KCTD14: variants seen among roughly 807,000 people sequenced by gnomAD.
KCTD14 encodes potassium channel tetramerization domain containing 14.
KCTD14 carries 7 observed loss-of-function variants against 5.9 expected under a neutral mutation model. The ratio of observed to expected loss-of-function variants is 1.19; its 90% CI spans 0.68 to 2.23. KCTD14 has a LOEUF of 2.23. Among genes scored for constraint, KCTD14 ranks in the 30% most tolerant of loss-of-function variants. The pLI, the probability that KCTD14 is intolerant of heterozygous loss-of-function variation, is 0.00. For missense variants in KCTD14, 342 were observed against 332.2 expected (o/e 1.03, Z -0.23); for synonymous variants, 140 against 133.1 (o/e 1.05, Z -0.36).
At chr11:78,038,676 G>A in exon 2 of KCTD14, 1 of 1,535,740 alleles carries the variant, frequency 6.5e-7, no homozygotes, top group East Asian at 2.4e-5. Flanking sequence ...AATGGGTGGT[G>A]GCAGCAGAAC....
At chr11:78,032,422 A>G (rs1857650763) in intron 2 of KCTD14, among the ~76,000 whole-genome samples, 1 of 152,228 alleles carries the variant, frequency 6.6e-6, no homozygotes, top group South Asian at 2.1e-4. Context: ...ATGGTAGTAA[A>G]AGGTAACCTT....
At position 78,037,282 on chromosome 11, in the gene KCTD14, C is replaced by T. The variant is rs1738940355; in HGVS notation, c.-1+1382G>A. ...CCTCCCAGCCCAGCCAGGACACATC[C>T]TCTTCCCTGTTTGCCCTCAGGCTCT... On this transcript the variant is annotated intron_variant, in intron 2 of 2. Coordinates refer to the KCTD14 transcript ENST00000533144. Among the ~76,000 whole-genome samples, 4 of 152,392 alleles carry T rather than the reference C, an allele frequency of 2.6e-5. No homozygotes were observed. The South Asian group carries it at 8.3e-4, about 32-fold the overall frequency.
intron 2 of KCTD14, among the ~76,000 whole-genome samples, chr11:78,037,908 GGTTCCACAA>G (rs1172743376): frequency 6.6e-6 from 1 of 151,834 alleles, no homozygotes; most frequent in Non-Finnish European, 1.5e-5. Flanking sequence ...GCTAGGTGCT[GGTTCCACAA>G]GTGTGCTCAC....
intron 2 of KCTD14, among the ~76,000 whole-genome samples, chr11:78,033,883 G>GTA (rs1857707163): frequency 5.2e-5 from 3 of 57,464 alleles, no homozygotes; most frequent in African/African-American, 8.0e-5. Flanking sequence ...ATAATAGTGT[G>GTA]TGTGTATGTG....
intron 1 of KCTD14, among the ~76,000 whole-genome samples, chr11:78,040,349 T>G (rs1857954159): frequency 6.6e-6 from 1 of 152,178 alleles, no homozygotes; most frequent in Non-Finnish European, 1.5e-5. Flanking sequence ...TTTCTTTCTT[T>G]CTTTCTTCTT....
chr11:78,033,889 A>ATGTG (rs140535954), intron 2 of KCTD14, among the ~76,000 whole-genome samples: 131 of 109,966 alleles, frequency 1.2e-3, no homozygotes, highest in African/African-American at 3.2e-3. Flanking sequence ...GTGTGTGTGT[A>ATGTG]TGTGTGTGTG....
chr11:78,044,010 A>G (rs1858063754), intron 1 of KCTD14, among the ~76,000 whole-genome samples: 2 of 152,214 alleles, frequency 1.3e-5, no homozygotes, highest in African/African-American at 4.8e-5. Flanking sequence ...AGGATTCCCC[A>G]GAAGGGAGAA....
chr11:78,020,469 C>G (rs1857279096), intron 1 of KCTD14, among the ~76,000 whole-genome samples: 1 of 152,234 alleles, frequency 6.6e-6, no homozygotes, highest in South Asian at 2.1e-4. Context: ...CGCATCTTGA[C>G]AGCAGCCAAA....
chr11:78,029,707 A>T (rs1352116084), intron 2 of KCTD14, among the ~76,000 whole-genome samples: 1 of 152,032 alleles, frequency 6.6e-6, no homozygotes, highest in Non-Finnish European at 1.5e-5. Context: ...AGCCAGAATA[A>T]TTATTTTTAC....
upstream of KCTD14, among the ~76,000 whole-genome samples, chr11:78,026,101 A>C (rs1460896963): frequency 6.6e-6 from 1 of 152,184 alleles, no homozygotes; most frequent in Admixed American, 6.6e-5. Context: ...CATGTGCCCA[A>C]GGTGGTCAGG....
intron 2 of KCTD14, among the ~76,000 whole-genome samples, chr11:78,029,373 G>A (rs1045465130): frequency 5.9e-5 from 9 of 152,060 alleles, no homozygotes; most frequent in African/African-American, 1.9e-4. Context: ...GAAACCTCCC[G>A]GTTATGGGCA....
intron 1 of KCTD14, among the ~76,000 whole-genome samples, chr11:78,017,966 A>G (rs1047129861): frequency 3.3e-5 from 5 of 151,942 alleles, no homozygotes; most frequent in African/African-American, 1.2e-4. Context: ...GTGTGATGGC[A>G]CGCGCCTGTA....
chr11:78,045,791 G>A (rs1366203315), intron 1 of KCTD14, among the ~76,000 whole-genome samples: 3 of 152,080 alleles, frequency 2.0e-5, no homozygotes, highest in Non-Finnish European at 4.4e-5. Flanking sequence ...GAGATGTGAG[G>A]GTTTTCATAA....
At chr11:78,036,005 A>C (rs1407437111) in intron 2 of KCTD14, among the ~76,000 whole-genome samples, 1 of 151,824 alleles carries the variant, frequency 6.6e-6, no homozygotes, top group Non-Finnish European at 1.5e-5. Context: ...ACTAAAATAC[A>C]AAAATTAGCT....
rs138947240 is a variant in KCTD14, at chr11:78,039,481, A to T, written c.-95-723T>A. Among the ~76,000 whole-genome samples the T allele has an allele frequency of 4.0e-3, 603 of 151,664 alleles. 1 individual carries two copies. Among genetic ancestry groups the T allele is most frequent in the Non-Finnish European group, 6.9e-3 (471 of 67,882 alleles). On this transcript the variant is annotated intron_variant, in intron 1 of 2. Transcript: ENST00000533144. ...GTAGTTGAGGCTGCAGTGAGCCATG[A>T]TCTCACCACTGTACTCCAGCTTGGG...
At position 78,035,858 on chromosome 11, in the gene KCTD14, A is replaced by C. The variant is rs1160638915; in HGVS notation, c.-1+2806T>G. 4.1e-5 allele frequency among the ~76,000 whole-genome samples: 6 copies of C among 145,412 alleles called. No individual in the cohort carries two copies. In the South Asian group the frequency reaches 1.1e-3, roughly 27 times the overall value. Reference sequence around the variant, plus strand: ...AGACTCCATCTCAAAAAAAAAAAAAAAAAAAAACAGTCCCTTCATGGCCGG... The same window carrying C: ...AGACTCCATCTCAAAAAAAAAAAAACAAAAAAACAGTCCCTTCATGGCCGG... On this transcript the variant is annotated intron_variant, in intron 2 of 2. Coordinates refer to the KCTD14 transcript ENST00000533144.
upstream of KCTD14, among the ~76,000 whole-genome samples, chr11:78,024,112 T>A (rs1015025263): frequency 6.6e-6 from 1 of 152,188 alleles, no homozygotes; most frequent in Admixed American, 6.6e-5. Flanking sequence ...GGGACAGGCA[T>A]GGTGGCTCAC....
At chr11:78,031,754 C>G (rs1005724701) in intron 2 of KCTD14, among the ~76,000 whole-genome samples, 14 of 152,326 alleles carry the variant, frequency 9.2e-5, no homozygotes, top group African/African-American at 3.1e-4. Context: ...GCACCAGGCA[C>G]TGGGGAAAGA....
At chr11:78,042,333 A>G (rs1858017466) in intron 1 of KCTD14, among the ~76,000 whole-genome samples, 1 of 151,990 alleles carries the variant, frequency 6.6e-6, no homozygotes, top group African/African-American at 2.4e-5. Context: ...CATGGTGAAA[A>G]CCCATCTCTA....
Sources: gnomAD v4.1 joint callset for allele counts (sites outside exome capture counted in the v4.1 genomes callset) on GRCh38, gnomAD v4.1.1 for gene constraint, MANE v1.5 for transcripts, NCBI Gene and HGNC (gene_info 2026-07-23, HGNC 2026-07-21) for gene names.